CNTN4: variants seen among roughly 807,000 people sequenced by gnomAD.
CNTN4 encodes contactin 4.
In CNTN4, 77 loss-of-function variants were observed where a neutral mutation model predicts 122.5. That is an observed-to-expected ratio of 0.63 (90% CI 0.52 to 0.76). The LOEUF is 0.76. CNTN4 is among the 30% of genes least tolerant of loss of function. The pLI, the probability that CNTN4 is intolerant of heterozygous loss-of-function variation, is 0.00. For synonymous variants in CNTN4, 512 were observed against 447.0 expected (o/e 1.15, Z -1.83); for missense variants, 1,256 against 1,259.1 (o/e 1.00, Z 0.04).
intron 6 of CNTN4, among the ~76,000 whole-genome samples, chr3:2,785,895 G>GCCCCCCCCCCCCCCCCCCC (rs149802098): frequency 3.0e-3 from 248 of 81,704 alleles, no homozygotes; most frequent in Non-Finnish European, 3.8e-3. Context: ...GGCCCACGCT[G>GCCCCCCCCCCCCCCCCCCC]CCCCCCCCCG....
chr3:2,488,051 C>A (rs2151639231), intron 3 of CNTN4, among the ~76,000 whole-genome samples: 1 of 152,246 alleles, frequency 6.6e-6, no homozygotes, highest in African/African-American at 2.4e-5. Flanking sequence ...CAATCAACAC[C>A]CTCAAAGCAA....
intron 2 of CNTN4, among the ~76,000 whole-genome samples, chr3:2,234,210 C>G (rs1407260761): frequency 2.0e-5 from 3 of 151,806 alleles, no homozygotes; most frequent in Non-Finnish European, 2.9e-5. Context: ...GAAACCCCGT[C>G]TCTACTAAAA....
At chr3:2,897,548 T>C (rs1304188100) in intron 10 of CNTN4, among the ~76,000 whole-genome samples, 1 of 152,190 alleles carries the variant, frequency 6.6e-6, no homozygotes, top group Admixed American at 6.5e-5. Flanking sequence ...CCTGAAATGC[T>C]TGGGACCAGA....
At chr3:2,576,395 C>G (rs1055982547) in intron 4 of CNTN4, among the ~76,000 whole-genome samples, 7 of 152,284 alleles carry the variant, frequency 4.6e-5, no homozygotes, top group African/African-American at 9.6e-5. Flanking sequence ...ACTCTATGGA[C>G]TAGCAATACT....
intron 4 of CNTN4, among the ~76,000 whole-genome samples, chr3:2,633,401 C>T (rs934947170): frequency 6.6e-6 from 1 of 152,136 alleles, no homozygotes; most frequent in African/African-American, 2.4e-5. Flanking sequence ...AAATTCTGCT[C>T]CTGTACATGT....
chr3:2,681,746 A>T (rs558760377), intron 4 of CNTN4, among the ~76,000 whole-genome samples: 44 of 152,144 alleles, frequency 2.9e-4, no homozygotes, highest in African/African-American at 1.1e-3. Flanking sequence ...TTTTCTAATA[A>T]TCACTCAGTT....
intron 4 of CNTN4, among the ~76,000 whole-genome samples, chr3:2,579,374 C>T (rs976902977): frequency 7.9e-5 from 12 of 152,104 alleles, no homozygotes; most frequent in Admixed American, 3.3e-4. Flanking sequence ...TTGAGGATGA[C>T]GGGAGCAGGA....
intron 13 of CNTN4, among the ~76,000 whole-genome samples, chr3:2,953,522 G>A (rs760745548): frequency 6.6e-6 from 1 of 151,702 alleles, no homozygotes; most frequent in Non-Finnish European, 1.5e-5. Flanking sequence ...CTGACCCGGG[G>A]CACAGTTTTT....
chr3:2,278,892 A>G (rs76187487), intron 2 of CNTN4, among the ~76,000 whole-genome samples: 16,136 of 151,932 alleles, frequency 0.11, 1,007 homozygotes, highest in Middle Eastern at 0.14. Flanking sequence ...AATAAATTCA[A>G]TATTTATCTT....
chr3:2,402,313 T>C (rs1204236383), intron 3 of CNTN4, among the ~76,000 whole-genome samples: 3 of 152,044 alleles, frequency 2.0e-5, no homozygotes, highest in Admixed American at 2.0e-4. Flanking sequence ...CAAACAAAAA[T>C]TGGTGAAATT....
chr3:2,204,575 A>G (rs886611590), intron 2 of CNTN4, among the ~76,000 whole-genome samples: 1 of 152,292 alleles, frequency 6.6e-6, no homozygotes, highest in East Asian at 1.9e-4. Context: ...CAACCTTTAA[A>G]CAACTATTGT....
At chr3:2,959,118 T>G (rs1333292853) in intron 13 of CNTN4, among the ~76,000 whole-genome samples, 1 of 152,174 alleles carries the variant, frequency 6.6e-6, no homozygotes, top group Non-Finnish European at 1.5e-5. Context: ...GTAAAATATG[T>G]AAGCACTTAA....
intron 3 of CNTN4, among the ~76,000 whole-genome samples, chr3:2,429,767 C>T (rs1032919139): frequency 2.0e-5 from 3 of 152,210 alleles, no homozygotes; most frequent in Non-Finnish European, 4.4e-5. Context: ...TTTACCTACT[C>T]AAGCCTCAGC....
In CNTN4 at chr3:2,709,603, A is replaced by G. The variant is rs981727974; in HGVS notation, c.56-26612A>G. Among the ~76,000 whole-genome samples, 8 of 152,180 alleles carry G rather than the reference A, an allele frequency of 5.3e-5. No individual in the cohort carries two copies. The highest frequency in any genetic ancestry group is 7.4e-5 in the Non-Finnish European group (5 of 68,026). ...ATTTCACATATTGAAAAATGTTTTT[A>G]ATAATTAATCATTTAAATTCCACAA... is the stretch of plus-strand genomic sequence containing the variant. On this transcript the variant is annotated intron_variant, in intron 4 of 24. Coordinates refer to ENST00000418658, the MANE Select transcript of CNTN4 (RefSeq NM_175607.3). This position sits in a 1 kb window ranked among gnomAD's most constrained non-coding sequence, Gnocchi z 5.0.
intron 3 of CNTN4, among the ~76,000 whole-genome samples, chr3:2,456,702 C>G (rs2049015510): frequency 6.6e-6 from 1 of 152,126 alleles, no homozygotes; most frequent in Admixed American, 6.6e-5. Context: ...TCAGTATTTC[C>G]TTCTTTTTTA....
At chr3:2,717,422 C>A (rs9845036) in intron 4 of CNTN4, among the ~76,000 whole-genome samples, 24,707 of 152,122 alleles carry the variant, frequency 0.16, 2,074 homozygotes, top group South Asian at 0.19. Context: ...GGCGTTTTCA[C>A]ACGTGTTTTC....
At chr3:2,510,962 A>G (rs1305579357) in intron 3 of CNTN4, among the ~76,000 whole-genome samples, 2 of 152,170 alleles carry the variant, frequency 1.3e-5, no homozygotes, top group Admixed American at 1.3e-4. Flanking sequence ...CTAGTATTCA[A>G]TGAAGAGGCA....
chr3:2,994,356 GA>G (rs934070628), intron 14 of CNTN4, among the ~76,000 whole-genome samples: 23 of 151,864 alleles, frequency 1.5e-4, no homozygotes, highest in African/African-American at 5.3e-4. Flanking sequence ...TTTATAATAA[GA>G]AAAAATAAAT....
chr3:2,713,211 GAAGGA>G (rs1267090913), intron 4 of CNTN4, among the ~76,000 whole-genome samples: 1 of 152,104 alleles, frequency 6.6e-6, no homozygotes, highest in East Asian at 1.9e-4. Flanking sequence ...AAATGATATA[GAAGGA>G]CCCCCAAGTG....
Sources: gnomAD v4.1 joint callset for allele counts (sites outside exome capture counted in the v4.1 genomes callset) on GRCh38, gnomAD v4.1.1 for gene constraint, Gnocchi (gnomAD v3.1) non-coding constraint, MANE v1.5 for transcripts, NCBI Gene and HGNC (gene_info 2026-07-23, HGNC 2026-07-21) for gene names.